The following STXBP5L variants were observed in gnomAD, a reference collection of about 807,000 sequenced individuals.
The protein encoded by STXBP5L is syntaxin-binding protein 5-like.
STXBP5L carries 65 observed loss-of-function variants against 144.5 expected under a neutral mutation model. The ratio of observed to expected loss-of-function variants is 0.45; its 90% CI spans 0.37 to 0.55. The LOEUF (loss-of-function observed/expected upper bound fraction) is 0.55. Ranked by LOEUF, STXBP5L falls within the 20% of genes least tolerant of loss-of-function variation. The pLI is 0.00. For missense variants in STXBP5L, 1,298 were observed against 1,405.5 expected (o/e 0.92, Z 1.22); for synonymous variants, 505 against 469.6 (o/e 1.08, Z -0.97).
At chr3:121,063,911 T>G (rs2041411552) in intron 5 of STXBP5L, among the ~76,000 whole-genome samples, 2 of 151,992 alleles carry the variant, frequency 1.3e-5, no homozygotes, top group South Asian at 2.1e-4. Flanking sequence ...AGCCAGTAGA[T>G]CTTAGCTTGC....
chr3:121,346,869 T>C (rs2045011897), intron 20 of STXBP5L, among the ~76,000 whole-genome samples: 1 of 152,170 alleles, frequency 6.6e-6, no homozygotes, highest in Admixed American at 6.5e-5. Flanking sequence ...GTCAGATGAG[T>C]AGGTTGCAAA....
intron 20 of STXBP5L, among the ~76,000 whole-genome samples, chr3:121,321,162 A>G (rs181830131): frequency 9.8e-5 from 15 of 152,332 alleles, no homozygotes; most frequent in Admixed American, 9.8e-4. Context: ...CTTACTTGAT[A>G]CTGGTCTACT....
At chr3:121,210,919 T>A (rs2048538096) in intron 10 of STXBP5L, among the ~76,000 whole-genome samples, 1 of 152,204 alleles carries the variant, frequency 6.6e-6, no homozygotes, top group Non-Finnish European at 1.5e-5. Context: ...TACGGGACCT[T>A]TTTTGGTTCC....
At chr3:121,178,996 A>T (rs758789501) in intron 9 of STXBP5L, among the ~76,000 whole-genome samples, 7 of 152,102 alleles carry the variant, frequency 4.6e-5, no homozygotes, top group Non-Finnish European at 8.8e-5. Flanking sequence ...ATACGAGCAC[A>T]GGTGTGGGCA....
At chr3:121,175,315 C>T (rs1279689957) in intron 9 of STXBP5L, among the ~76,000 whole-genome samples, 1 of 151,932 alleles carries the variant, frequency 6.6e-6, no homozygotes, top group Non-Finnish European at 1.5e-5. Context: ...AACTCCAAAC[C>T]CACTGTAACT....
chr3:120,914,336 T>A (rs563763122), intron 2 of STXBP5L, among the ~76,000 whole-genome samples: 25 of 152,112 alleles, frequency 1.6e-4, no homozygotes, highest in Non-Finnish European at 3.5e-4. Flanking sequence ...CTATTCATAA[T>A]CATTTATAAA....
At chr3:121,340,806 T>G (rs1249141719) in intron 20 of STXBP5L, among the ~76,000 whole-genome samples, 3 of 152,032 alleles carry the variant, frequency 2.0e-5, no homozygotes, top group Non-Finnish European at 4.4e-5. Flanking sequence ...ACTTTTCAAG[T>G]CATAGTATAA....
intron 22 of STXBP5L, among the ~76,000 whole-genome samples, chr3:121,392,770 C>CATATATAT (rs71133531): frequency 0.017 from 1,890 of 112,124 alleles, 25 homozygotes; most frequent in Non-Finnish European, 0.021. Flanking sequence ...TATTTCATGG[C>CATATATAT]ATATATATAT....
At position 121,193,966 on chromosome 3, in the gene STXBP5L, T is replaced by TATA. The variant is rs144408060; in HGVS notation, c.878-11934_878-11932dup. Among the ~76,000 whole-genome samples the TATA allele has an allele frequency of 3.4e-3, 513 of 150,286 alleles. 1 individual carries two copies. Among genetic ancestry groups the TATA allele is most frequent in the African/African-American group, 5.5e-3 (225 of 40,952 alleles). ...TGCACATGTACACTAGAAGTTAACATATAATAATAATAATAATAATAATAA... is the reference window on the plus strand; with the variant it reads ...TGCACATGTACACTAGAAGTTAACATATAATAATAATAATAATAATAATAATAA... On this transcript the variant is annotated intron_variant, in intron 9 of 26. Coordinates refer to ENST00000471454, the MANE Select transcript of STXBP5L (RefSeq NM_001308330.2).
At position 120,962,220 on chromosome 3, in the gene STXBP5L, A is replaced by G. The variant is rs891473661; in HGVS notation, c.287+7183A>G. Among the ~76,000 whole-genome samples, 8 of 152,160 alleles carry G rather than the reference A, an allele frequency of 5.3e-5. No individual in the cohort carries two copies. In the South Asian group the frequency reaches 8.3e-4, roughly 16 times the overall value. On this transcript the variant is annotated intron_variant, in intron 3 of 26. Transcript: ENST00000471454. ...GATTGCAAAATTTTTCTTCCATTCT[A>G]TAGGTTGCCTGTTCATTCTGATGGT...
chr3:120,922,252 C>T (rs1057103025), intron 2 of STXBP5L, among the ~76,000 whole-genome samples: 1 of 151,798 alleles, frequency 6.6e-6, no homozygotes, highest in African/African-American at 2.4e-5. Flanking sequence ...GTTTTGATTT[C>T]TTTGTTCAGA....
intron 5 of STXBP5L, among the ~76,000 whole-genome samples, chr3:121,051,235 C>G (rs960122082): frequency 6.6e-6 from 1 of 152,150 alleles, no homozygotes; most frequent in Non-Finnish European, 1.5e-5. Flanking sequence ...CCAAGCAGAC[C>G]TAATAGACAT....
intron 22 of STXBP5L, among the ~76,000 whole-genome samples, chr3:121,397,447 G>A (rs186706222): frequency 6.6e-5 from 10 of 152,210 alleles, no homozygotes; most frequent in South Asian, 2.1e-4. Flanking sequence ...TTCCTCTAAC[G>A]CCTCCAGTTT....
At chr3:120,961,212 CG>C (rs1340589973) in intron 3 of STXBP5L, among the ~76,000 whole-genome samples, 9 of 147,958 alleles carry the variant, frequency 6.1e-5, no homozygotes, top group African/African-American at 2.2e-4. Context: ...TTTTTTCCCC[CG>C]TGATACATCT....
At chr3:121,364,003 GAT>G (rs2045792398) in intron 20 of STXBP5L, among the ~76,000 whole-genome samples, 2 of 152,084 alleles carry the variant, frequency 1.3e-5, no homozygotes, top group Admixed American at 1.3e-4. Context: ...TTACTCTGTT[GAT>G]AGTGTCATTT....
chr3:121,177,688 A>G (rs1172998400), intron 9 of STXBP5L, among the ~76,000 whole-genome samples: 1 of 152,234 alleles, frequency 6.6e-6, no homozygotes, highest in East Asian at 1.9e-4. Flanking sequence ...GCAAATTTAA[A>G]TGATACAGCT....
chr3:121,364,264 T>C (rs1410008499), intron 20 of STXBP5L, among the ~76,000 whole-genome samples: 1 of 152,170 alleles, frequency 6.6e-6, no homozygotes, highest in African/African-American at 2.4e-5. Context: ...TTTGACCATA[T>C]GTGAGAGTGT....
intron 19 of STXBP5L, among the ~76,000 whole-genome samples, chr3:121,300,961 A>G (rs1357128887): frequency 6.6e-6 from 1 of 152,214 alleles, no homozygotes; most frequent in Non-Finnish European, 1.5e-5. Context: ...CTTGTAGCAT[A>G]GTTCGAAGTC....
chr3:121,011,149 A>C (rs746676103), intron 3 of STXBP5L, among the ~76,000 whole-genome samples: 2 of 150,724 alleles, frequency 1.3e-5, no homozygotes, highest in South Asian at 4.2e-4. Context: ...CCTCATTATC[A>C]TAGTCATTTT....
Sources: gnomAD v4.1 joint callset for allele counts (sites outside exome capture counted in the v4.1 genomes callset) on GRCh38, gnomAD v4.1.1 for gene constraint, MANE v1.5 for transcripts, NCBI Gene and HGNC (gene_info 2026-07-23, HGNC 2026-07-21) for gene names.